The following SLC12A2 variants were observed in gnomAD, a reference collection of about 807,000 sequenced individuals.
SLC12A2 encodes the protein solute carrier family 12 member 2, also known as Na-K-2Cl cotransporter 1.
A neutral mutation model predicts 136.3 loss-of-function variants in SLC12A2; 67 were observed. The ratio of observed to expected loss-of-function variants is 0.49; its 90% CI spans 0.40 to 0.60. The LOEUF is 0.60. SLC12A2 is among the 20% of genes least tolerant of loss of function. The pLI is 0.00. For synonymous variants in SLC12A2, 619 were observed against 562.9 expected (o/e 1.10, Z -1.41); for missense variants, 1,322 against 1,534.7 (o/e 0.86, Z 2.32).
At position 128,143,356 on chromosome 5, in the gene SLC12A2, A is replaced by C. The variant is rs147899184; in HGVS notation, c.1773+1375A>C. On this transcript the variant is annotated intron_variant, in intron 10 of 26. Transcript: ENST00000262461. ...CTCATATAAAGTCATGCAGCATGAA[A>C]TCACCATTTAACATTTAACAACAGA... Among the ~76,000 whole-genome samples, 3 of 152,266 alleles carry C rather than the reference A, an allele frequency of 2.0e-5. No homozygotes were observed. The East Asian group carries it at 5.8e-4, about 29-fold the overall frequency.
At chr5:128,117,640 A>C (rs1761396421) in intron 4 of SLC12A2, among the ~76,000 whole-genome samples, 1 of 152,210 alleles carries the variant, frequency 6.6e-6, no homozygotes, top group African/African-American at 2.4e-5. Flanking sequence ...AACATTGGAA[A>C]AACTCTTCTA....
At chr5:128,107,831 G>A (rs1760999507) in intron 1 of SLC12A2, among the ~76,000 whole-genome samples, 1 of 151,934 alleles carries the variant, frequency 6.6e-6, no homozygotes, top group South Asian at 2.1e-4. Flanking sequence ...TGGGTCAAAT[G>A]GTCCTTCTGG....
At chr5:128,185,260 G>A (rs187234122) in intron 26 of SLC12A2, among the ~76,000 whole-genome samples, 9 of 152,246 alleles carry the variant, frequency 5.9e-5, no homozygotes, top group Admixed American at 2.6e-4. Flanking sequence ...GATTAAACTT[G>A]AATAGTGATT....
At chr5:128,111,212 C>A (rs994231412) in intron 1 of SLC12A2, among the ~76,000 whole-genome samples, 4 of 152,020 alleles carry the variant, frequency 2.6e-5, no homozygotes, top group African/African-American at 9.7e-5. Flanking sequence ...TATATACACA[C>A]AATTATTGCA....
chr5:128,084,795 G>C lies in SLC12A2; in HGVS notation c.756+85G>C. ...TGGCTGCAGACTCTTCCCGAGTTGA[G>C]GTGGCGGGAGTAGTAGACGTGCACG... is the stretch of plus-strand genomic sequence containing the variant. On this transcript the variant is annotated intron_variant, in intron 1 of 26. Coordinates refer to ENST00000262461, the MANE Select transcript of SLC12A2 (RefSeq NM_001046.3). The surrounding 1 kb of genome is among the most constrained non-coding windows in gnomAD (Gnocchi z 5.6). The C allele has an allele frequency of 1.4e-6, 2 of 1,403,532 alleles. No individual in the cohort carries two copies. Among genetic ancestry groups the C allele is most frequent in the South Asian group, 2.9e-5 (2 of 69,238 alleles). 86.9% of individuals were successfully genotyped at this position (1,403,532 alleles called of 1,614,324 possible).
chr5:128,102,582 A>ACC (rs34780928), intron 1 of SLC12A2, among the ~76,000 whole-genome samples: 4 of 88,404 alleles, frequency 4.5e-5, no homozygotes, highest in Admixed American at 1.4e-4. Flanking sequence ...TCTGTAATTC[A>ACC]CCCCCCCCCC....
chr5:128,154,291 T>TTTGGCACA (rs1762803871), intron 15 of SLC12A2, among the ~76,000 whole-genome samples: 1 of 151,828 alleles, frequency 6.6e-6, no homozygotes, highest in Non-Finnish European at 1.5e-5. Context: ...CCAAGTATGA[T>TTTGGCACA]GGTGCATACC....
chr5:128,130,661 G>A (rs1436036386), intron 4 of SLC12A2, among the ~76,000 whole-genome samples: 3 of 151,822 alleles, frequency 2.0e-5, no homozygotes, highest in Non-Finnish European at 2.9e-5. Flanking sequence ...CAGCGTGGGC[G>A]ACAGTGAAAC....
rs565370231 is a variant in SLC12A2, at chr5:128,127,190, C to T, written c.1049-3877C>T. 3.3e-4 allele frequency among the ~76,000 whole-genome samples: 42 copies of T among 127,834 alleles called. 1 individual carries two copies. Among genetic ancestry groups the T allele is most frequent in the African/African-American group, 1.2e-3 (39 of 32,780 alleles). The allele number at this position is 127,834 out of a possible 152,430, so 83.9% of individuals were successfully genotyped here. On this transcript the variant is annotated intron_variant, in intron 4 of 26. Coordinates refer to ENST00000262461, the MANE Select transcript of SLC12A2 (RefSeq NM_001046.3). ...AGGCTGGAGTGCAGTGGCACGATCT[C>T]GGCTCACTGCAAGCTCTGCCTCCCG...
chr5:128,117,722 G>A (rs971326351), intron 4 of SLC12A2, among the ~76,000 whole-genome samples: 2 of 152,034 alleles, frequency 1.3e-5, no homozygotes, highest in African/African-American at 4.8e-5. Context: ...AACTAAATGG[G>A]ACCTAATTAA....
intron 1 of SLC12A2, among the ~76,000 whole-genome samples, chr5:128,111,764 CAAAA>C (rs374353989): frequency 6.6e-5 from 4 of 60,226 alleles, no homozygotes; most frequent in African/African-American, 1.6e-4. Context: ...GACTCCATCT[CAAAA>C]AAAAAAAAAA....
intron 1 of SLC12A2, among the ~76,000 whole-genome samples, chr5:128,107,172 T>A (rs1405455472): frequency 6.6e-6 from 1 of 152,246 alleles, no homozygotes; most frequent in Non-Finnish European, 1.5e-5. Flanking sequence ...GGATTGTCCC[T>A]GACTCTACTG....
chr5:128,186,284 A>G (rs1400592324), intron 26 of SLC12A2, among the ~76,000 whole-genome samples: 2 of 152,140 alleles, frequency 1.3e-5, no homozygotes, highest in Non-Finnish European at 2.9e-5. Flanking sequence ...ATTGCCTGAC[A>G]GTAAGTTCTG....
chr5:128,114,331 A>C (rs775116524), intron 3 of SLC12A2, 44 bp downstream of exon 3: 15 of 1,444,764 alleles, frequency 1.0e-5, no homozygotes, highest in Non-Finnish European at 1.5e-5. Context: ...TAAGCAAAAT[A>C]ACTGTGTCTG....
chr5:128,182,464 A>G (rs1763734803), intron 23 of SLC12A2, among the ~76,000 whole-genome samples: 1 of 152,168 alleles, frequency 6.6e-6, no homozygotes, highest in Non-Finnish European at 1.5e-5. Context: ...CCCTGAGATA[A>G]GTGTTCTTGG....
Position 128,187,068 on chromosome 5 carries a change from AAAC to A in SLC12A2, c.*440_*442del, listed in dbSNP as rs2126764059. The A allele has an allele frequency of 6.3e-6, 1 of 158,150 alleles. No individual in the cohort carries two copies. Among genetic ancestry groups the A allele is most frequent in the South Asian group, 1.9e-4 (1 of 5,330 alleles). The allele number at this position is 158,150 out of a possible 1,614,324, so 9.8% of individuals were successfully genotyped here. ...TTTATTTCTAGTCTCTTCCACTTTAAAACAAAATGAACACTGCTTGTCTTCTTC... is the reference window on the plus strand; with the variant it reads ...TTTATTTCTAGTCTCTTCCACTTTAAAAAATGAACACTGCTTGTCTTCTTC... On this transcript the variant is annotated 3_prime_UTR_variant, in exon 27 of 27. Coordinates refer to ENST00000262461, the MANE Select transcript of SLC12A2 (RefSeq NM_001046.3).
intron 22 of SLC12A2, among the ~76,000 whole-genome samples, chr5:128,179,014 G>C (rs1763619647): frequency 6.6e-6 from 1 of 152,176 alleles, no homozygotes. Flanking sequence ...ACCTTTGGCA[G>C]AAATATCACA....
chr5:128,100,774 T>C (rs566828403), intron 1 of SLC12A2, among the ~76,000 whole-genome samples: 1 of 152,314 alleles, frequency 6.6e-6, no homozygotes, highest in African/African-American at 2.4e-5. Flanking sequence ...GAAATAGAAA[T>C]TGTACAGTTA....
intron 1 of SLC12A2, among the ~76,000 whole-genome samples, chr5:128,089,749 C>G (rs1760241955): frequency 6.6e-6 from 1 of 152,194 alleles, no homozygotes; most frequent in African/African-American, 2.4e-5. Context: ...GTGAGCAGTT[C>G]CTGTCACTTA....
Sources: gnomAD v4.1 joint callset for allele counts (sites outside exome capture counted in the v4.1 genomes callset) on GRCh38, gnomAD v4.1.1 for gene constraint, Gnocchi (gnomAD v3.1) non-coding constraint, MANE v1.5 for transcripts, NCBI Gene and HGNC (gene_info 2026-07-23, HGNC 2026-07-21) for gene names.